PFKFB3: variants seen among roughly 807,000 people sequenced by gnomAD.
PFKFB3 encodes the protein 6-phosphofructo-2-kinase/fructose-2,6-bisphosphatase 3.
PFKFB3 carries 33 observed loss-of-function variants against 68.0 expected under a neutral mutation model. The observed-to-expected ratio is 0.49, with a 90% CI of 0.37 to 0.65. PFKFB3 has a LOEUF of 0.65. PFKFB3 is among the 30% of genes least tolerant of loss of function. The probability of loss-of-function intolerance (pLI) is 0.00; values close to 1 mark genes in which losing one functional copy is unlikely to be tolerated. For synonymous variants in PFKFB3, 315 were observed against 288.2 expected (o/e 1.09, Z -0.94); for missense variants, 586 against 712.2 (o/e 0.82, Z 2.02).
chr10:6,205,699 G>A (rs191452996), intron 1 of PFKFB3, among the ~76,000 whole-genome samples: 2 of 152,068 alleles, frequency 1.3e-5, no homozygotes, highest in East Asian at 1.9e-4. Flanking sequence ...AGCTGGGTGG[G>A]TTTTCTTTCT....
chr10:6,195,377 G>C (rs2131833251), intron 1 of PFKFB3, among the ~76,000 whole-genome samples: 1 of 152,238 alleles, frequency 6.6e-6, no homozygotes, highest in South Asian at 2.1e-4. Context: ...GTTGTGTCTG[G>C]GTCTGCACAA....
chr10:6,203,393 T>C (rs1843468176), intron 1 of PFKFB3, 57 bp downstream of exon 1: 2 of 1,404,920 alleles, frequency 1.4e-6, no homozygotes, highest in African/African-American at 1.5e-5. Flanking sequence ...GCCGGGCCAT[T>C]GTGTGGGGCG....
intron 1 of PFKFB3, among the ~76,000 whole-genome samples, chr10:6,210,976 G>A (rs1786365354): frequency 6.6e-6 from 1 of 150,738 alleles, no homozygotes; most frequent in African/African-American, 2.4e-5. Flanking sequence ...CCAGAGGGCT[G>A]GGATTACAGG....
intron 1 of PFKFB3, among the ~76,000 whole-genome samples, chr10:6,193,272 G>A (rs897535584): frequency 1.3e-5 from 2 of 152,166 alleles, no homozygotes; most frequent in African/African-American, 4.8e-5. Context: ...GACAGTTTGA[G>A]CCCAGAAACT....
At chr10:6,224,317 C>G (rs911254908) in intron 13 of PFKFB3, 104 bp downstream of exon 13, 1 of 1,111,886 alleles carries the variant, frequency 9.0e-7, no homozygotes, top group Non-Finnish European at 1.3e-6. Flanking sequence ...CAGGTGCTGG[C>G]CTGTCTGGGG....
At chr10:6,183,655 A>C (rs1257618086) in intron 1 of PFKFB3, among the ~76,000 whole-genome samples, 1 of 149,044 alleles carries the variant, frequency 6.7e-6, no homozygotes, top group Non-Finnish European at 1.5e-5. Flanking sequence ...TATATAAATA[A>C]TTACATGTAT....
At chr10:6,216,524 A>G (rs993718130) in intron 4 of PFKFB3, among the ~76,000 whole-genome samples, 182 bp from the exon 5 acceptor site, 7 of 151,624 alleles carry the variant, frequency 4.6e-5, no homozygotes, top group Admixed American at 2.0e-4. Flanking sequence ...TGCTGTTGGT[A>G]GTTGCGGGAG....
intron 14 of PFKFB3, among the ~76,000 whole-genome samples, chr10:6,227,972 G>A (rs1845465693): frequency 1.3e-5 from 2 of 152,174 alleles, no homozygotes; most frequent in African/African-American, 4.8e-5. Context: ...TTGATATCCT[G>A]AGCTGCACAG....
At chr10:6,245,968 A>G (rs545025543) in intron 14 of PFKFB3, 26 of 152,380 alleles carry the variant, frequency 1.7e-4, no homozygotes, top group African/African-American at 6.3e-4. Flanking sequence ...GCTACGGCTA[A>G]CTGATAAGAA....
Position 6,154,515 on chromosome 10 carries a change from T to C in PFKFB3, c.16+9502T>C, listed in dbSNP as rs1273995221. ...TGCCCGCCTCGGCCTTCCAAAGTGC[T>C]GGGATCATAGGCGCGAGCCACCGCG... On this transcript the variant is annotated intron_variant, in intron 1 of 14. Transcript: ENST00000379789. The surrounding 1 kb of genome is among the most constrained non-coding windows in gnomAD (Gnocchi z 4.6). Among the ~76,000 whole-genome samples, 1 of 152,170 alleles carries C rather than the reference T, an allele frequency of 6.6e-6. No individual in the cohort carries two copies. The highest frequency in any genetic ancestry group is 2.4e-5 in the African/African-American group (1 of 41,438).
rs1843583786 is a variant in PFKFB3 at position 6,204,896 on chromosome 10, TGA to T, written c.76+1564_76+1565del. Among the ~76,000 whole-genome samples, 4 of 152,354 alleles carry T rather than the reference TGA, an allele frequency of 2.6e-5. No homozygotes were observed. The South Asian group carries it at 8.3e-4, about 32-fold the overall frequency. On this transcript the variant is annotated intron_variant, in intron 1 of 14. Coordinates refer to ENST00000379775, the MANE Select transcript of PFKFB3 (RefSeq NM_004566.4). ...GATTGTATACGAATGCCCACGGGTC[TGA>T]GAGGAGTGTCCCGTGACTTCCAGGG...
chr10:6,221,182 C>A (rs76341950), intron 8 of PFKFB3, among the ~76,000 whole-genome samples, 199 bp from the exon 9 acceptor site: 1 of 152,000 alleles, frequency 6.6e-6, no homozygotes. Flanking sequence ...CGCGGTTGTG[C>A]ACTAGGAAGG....
Position 6,220,537 on chromosome 10 carries a change from C to A in PFKFB3, c.624-121C>A. The A allele has an allele frequency of 1.2e-6, 1 of 820,722 alleles. No individual in the cohort carries two copies. Among genetic ancestry groups the A allele is most frequent in the Non-Finnish European group, 2.0e-6 (1 of 499,190 alleles). 50.8% of individuals were successfully genotyped at this position (820,722 alleles called of 1,614,324 possible). A position where few individuals can be genotyped will look rare whatever the true frequency, so the allele number is the denominator to read the frequency against. On this transcript the variant is annotated intron_variant, in intron 7 of 14. Coordinates refer to ENST00000379775, the MANE Select transcript of PFKFB3 (RefSeq NM_004566.4). The surrounding 1 kb of genome is among the most constrained non-coding windows in gnomAD (Gnocchi z 4.1). ...CCCTTAGAAGGATTCAGTCTGTGCC[C>A]TGGAGGGGCCTACGGTCCCGCCTTG...
At chr10:6,192,139 T>TACACACACACACACACACAC (rs60638987) in intron 1 of PFKFB3, among the ~76,000 whole-genome samples, 72 of 119,136 alleles carry the variant, frequency 6.0e-4, no homozygotes, top group Admixed American at 2.2e-3. Context: ...CATTCCCCAA[T>TACACACACACACACACACAC]ACACACACAC....
At chr10:6,275,731 C>T in the PFKFB3 span, among the ~76,000 whole-genome samples, 17 of 152,332 alleles carry the variant, frequency 1.1e-4, no homozygotes, top group Admixed American at 2.0e-4. The surrounding 1 kb of genome is among the most constrained non-coding windows in gnomAD (Gnocchi z 4.9). Flanking sequence ...TCTCCTGCCT[C>T]AGCCTCCTGA....
intron 1 of PFKFB3, among the ~76,000 whole-genome samples, chr10:6,147,817 T>C (rs184116260): frequency 2.0e-5 from 3 of 148,178 alleles, no homozygotes; most frequent in Non-Finnish European, 4.4e-5. Context: ...GGGATCCTGA[T>C]GGGGTGGTCC....
upstream of PFKFB3, among the ~76,000 whole-genome samples, chr10:6,199,787 C>A (rs2131845050): frequency 6.7e-6 from 1 of 148,484 alleles, no homozygotes; most frequent in African/African-American, 2.5e-5. Context: ...AGGTGCGAAC[C>A]ACTGCACTGG....
intron 1 of PFKFB3, among the ~76,000 whole-genome samples, chr10:6,159,279 C>A (rs1841900177): frequency 6.6e-6 from 1 of 152,030 alleles, no homozygotes; most frequent in Non-Finnish European, 1.5e-5. Context: ...CCTGTAATCC[C>A]AGCTACTTGG....
intron 1 of PFKFB3, among the ~76,000 whole-genome samples, chr10:6,156,596 C>T (rs531522297): frequency 2.6e-5 from 4 of 152,112 alleles, no homozygotes; most frequent in African/African-American, 9.6e-5. Flanking sequence ...CAACCTCTGC[C>T]TCCCAGATTT....
Sources: gnomAD v4.1 joint callset for allele counts (sites outside exome capture counted in the v4.1 genomes callset) on GRCh38, gnomAD v4.1.1 for gene constraint, Gnocchi (gnomAD v3.1) non-coding constraint, MANE v1.5 for transcripts, NCBI Gene and HGNC (gene_info 2026-07-23, HGNC 2026-07-21) for gene names.